The following NEDD4L variants were observed in gnomAD, a reference collection of about 807,000 sequenced individuals.
The protein encoded by NEDD4L is E3 ubiquitin-protein ligase NEDD4-like.
A neutral mutation model predicts 148.9 loss-of-function variants in NEDD4L; 54 were observed. The observed-to-expected ratio is 0.36, with a 90% CI of 0.29 to 0.45. NEDD4L has a LOEUF of 0.45. NEDD4L is among the 20% of genes least tolerant of loss of function. The probability of loss-of-function intolerance (pLI) is 1.00; values close to 1 mark genes in which losing one functional copy is unlikely to be tolerated. For missense variants in NEDD4L, 856 were observed against 1,233.8 expected, an observed-to-expected ratio of 0.69 and a Z score of 4.59; for synonymous variants, 433 against 440.7, an observed-to-expected ratio of 0.98 and a Z score of 0.22.
intron 12 of NEDD4L, among the ~76,000 whole-genome samples, chr18:58,334,929 A>G (rs552915851): frequency 5.9e-5 from 9 of 152,300 alleles, no homozygotes; most frequent in African/African-American, 1.9e-4. Flanking sequence ...CAGGGCTCCC[A>G]AAAACAAAAT....
At chr18:58,302,941 A>G (rs2056665524) in intron 5 of NEDD4L, among the ~76,000 whole-genome samples, 1 of 152,226 alleles carries the variant, frequency 6.6e-6, no homozygotes, top group Non-Finnish European at 1.5e-5. Flanking sequence ...TCTACCTTGT[A>G]GTCGTCAGTA....
At chr18:58,341,948 T>TA (rs2042481874) in intron 15 of NEDD4L, 151 bp downstream of exon 15, 1 of 369,720 alleles carries the variant, frequency 2.7e-6, no homozygotes, top group African/African-American at 2.2e-5. Flanking sequence ...GCAGCCTTTC[T>TA]ACCTGCTTCT....
chr18:58,232,607 G>T (rs1048611176), intron 2 of NEDD4L, among the ~76,000 whole-genome samples: 1 of 152,184 alleles, frequency 6.6e-6, no homozygotes, highest in Non-Finnish European at 1.5e-5. Context: ...TGGCACCCTT[G>T]TGTCGGGATA....
At chr18:58,266,721 C>T (rs899552914) in intron 5 of NEDD4L, among the ~76,000 whole-genome samples, 1 of 152,096 alleles carries the variant, frequency 6.6e-6, no homozygotes, top group African/African-American at 2.4e-5. Flanking sequence ...AAATAATATA[C>T]GCAGATTGCT....
At chr18:58,078,475 C>T (rs147886924) in intron 1 of NEDD4L, among the ~76,000 whole-genome samples, 2 of 152,246 alleles carry the variant, frequency 1.3e-5, no homozygotes, top group African/African-American at 4.8e-5. Context: ...TGAGGGGGGA[C>T]CGCTGAGGGC....
At chr18:58,045,246 T>C in intron 1 of NEDD4L, 2 of 397,420 alleles carry the variant, frequency 5.0e-6, no homozygotes. Context: ...GCTGCGTGTG[T>C]CCCTCCCCTC....
At chr18:58,376,435 CTGAT>C (rs1324678768) in intron 24 of NEDD4L, among the ~76,000 whole-genome samples, 1 of 152,174 alleles carries the variant, frequency 6.6e-6, no homozygotes, top group Non-Finnish European at 1.5e-5. Context: ...GAGAGCTATC[CTGAT>C]TAACAGGGAA....
chr18:58,240,024 G>C (rs1174331291), intron 2 of NEDD4L, among the ~76,000 whole-genome samples: 2 of 152,210 alleles, frequency 1.3e-5, no homozygotes, highest in African/African-American at 2.4e-5. Context: ...TCTCCTGAGA[G>C]AGCAGGTGCC....
At chr18:58,105,204 A>G (rs1406572800) in intron 1 of NEDD4L, among the ~76,000 whole-genome samples, 1 of 152,220 alleles carries the variant, frequency 6.6e-6, no homozygotes, top group Non-Finnish European at 1.5e-5. Flanking sequence ...TCTGTCGGCA[A>G]GGAGAGCGCT....
chr18:58,301,701 A>G (rs898075873), intron 5 of NEDD4L, among the ~76,000 whole-genome samples: 1 of 152,132 alleles, frequency 6.6e-6, no homozygotes, highest in Admixed American at 6.5e-5. Context: ...GTGTTTTTTC[A>G]AGCTGTTGTC....
At chr18:58,128,011 TTTTTGTTTTG>T (rs1178440407) in intron 1 of NEDD4L, among the ~76,000 whole-genome samples, 2 of 151,364 alleles carry the variant, frequency 1.3e-5, no homozygotes, top group African/African-American at 4.8e-5. Flanking sequence ...CCGGCTAATT[TTTTTGTTTTG>T]TTTTGTTTTG....
chr18:58,353,325 A>G (rs1242323909), intron 18 of NEDD4L, among the ~76,000 whole-genome samples: 1 of 152,240 alleles, frequency 6.6e-6, no homozygotes, highest in Admixed American at 6.5e-5. Context: ...TATACTCTGT[A>G]CAGAGCTTGA....
intron 2 of NEDD4L, among the ~76,000 whole-genome samples, chr18:58,198,052 A>G (rs988034583): frequency 5.9e-5 from 9 of 152,236 alleles, no homozygotes; most frequent in African/African-American, 1.7e-4. Flanking sequence ...GCACCCCTAC[A>G]TAAAGGAAAG....
chr18:58,070,033 C>T (rs1176630720), intron 1 of NEDD4L, among the ~76,000 whole-genome samples: 1 of 152,160 alleles, frequency 6.6e-6, no homozygotes, highest in African/African-American at 2.4e-5. Context: ...GGACCATCCT[C>T]AAAGAAATGT....
chr18:58,105,995 A>G (rs1412077589), intron 1 of NEDD4L, among the ~76,000 whole-genome samples: 1 of 152,272 alleles, frequency 6.6e-6, no homozygotes, highest in Non-Finnish European at 1.5e-5. Flanking sequence ...CAGCAGCTAA[A>G]TGATTACTGC....
At chr18:58,233,326 G>T (rs2045480577) in intron 2 of NEDD4L, among the ~76,000 whole-genome samples, 2 of 152,228 alleles carry the variant, frequency 1.3e-5, no homozygotes, top group Non-Finnish European at 2.9e-5. Flanking sequence ...AGAAAAAGAG[G>T]TTTAATGTAC....
chr18:58,153,474 G>A (rs923717836), intron 1 of NEDD4L, among the ~76,000 whole-genome samples: 10 of 151,786 alleles, frequency 6.6e-5, no homozygotes, highest in African/African-American at 2.2e-4. Context: ...CGAGTAGCTG[G>A]GATTACATGC....
At chr18:58,178,124 T>TTA (rs1216992313) in intron 2 of NEDD4L, among the ~76,000 whole-genome samples, 1 of 152,202 alleles carries the variant, frequency 6.6e-6, no homozygotes, top group Middle Eastern at 3.2e-3. Context: ...ACCTCTGATG[T>TTA]TATAAGCCAT....
intron 5 of NEDD4L, among the ~76,000 whole-genome samples, chr18:58,296,036 G>A (rs1434262908): frequency 1.3e-5 from 2 of 152,138 alleles, no homozygotes; most frequent in African/African-American, 2.4e-5. Flanking sequence ...CAAGACAGAG[G>A]GAGCTTGTGT....
Sources: allele counts gnomAD v4.1 joint callset (sites outside exome capture counted in the v4.1 genomes callset), GRCh38; gene constraint gnomAD v4.1.1; transcripts MANE v1.5; gene names NCBI Gene and HGNC (gene_info 2026-07-23, HGNC 2026-07-21).